MAF: variants seen among roughly 807,000 people sequenced by gnomAD.
The protein encoded by MAF is MAF bZIP transcription factor, also known as transcription factor Maf.
Under a neutral mutation model 22.0 loss-of-function variants are expected in MAF, and 10 were observed. The ratio of observed to expected loss-of-function variants is 0.45; its 90% CI spans 0.28 to 0.77. MAF has a LOEUF of 0.77. Among genes scored for constraint, MAF ranks in the 30% least tolerant of loss-of-function variants. The pLI, the probability that MAF is intolerant of heterozygous loss-of-function variation, is 0.12. For missense variants in MAF, 544 were observed against 548.4 expected, an observed-to-expected ratio of 0.99 and a Z score of 0.08; for synonymous variants, 337 against 255.8, an observed-to-expected ratio of 1.32 and a Z score of -3.03.
At chr16:79,572,549 G>A in the MAF span, among the ~76,000 whole-genome samples, 1 of 152,178 alleles carries the variant, frequency 6.6e-6, no homozygotes, top group Non-Finnish European at 1.5e-5. Flanking sequence ...GGGCTACCTG[G>A]ACGGTTTCAC....
chr16:79,335,981 T>C, the MAF span, among the ~76,000 whole-genome samples: 1 of 152,150 alleles, frequency 6.6e-6, no homozygotes, highest in East Asian at 1.9e-4. Context: ...GAGCCCAGCT[T>C]CTGGGGATGT....
chr16:79,302,589 A>T, the MAF span, among the ~76,000 whole-genome samples: 8 of 152,298 alleles, frequency 5.3e-5, no homozygotes, highest in Non-Finnish European at 8.8e-5. Flanking sequence ...CCTTTCATAA[A>T]AACACCCACA....
the MAF span, among the ~76,000 whole-genome samples, chr16:79,421,564 C>T: frequency 4.0e-5 from 6 of 151,770 alleles, no homozygotes; most frequent in Admixed American, 2.0e-4. Flanking sequence ...ACAGAAACCT[C>T]GGAAGGGAAG....
the MAF span, among the ~76,000 whole-genome samples, chr16:79,404,365 T>C: frequency 6.6e-6 from 1 of 152,154 alleles, no homozygotes; most frequent in African/African-American, 2.4e-5. Flanking sequence ...GGTTTCACCA[T>C]GTTGGCCAGG....
the MAF span, among the ~76,000 whole-genome samples, chr16:79,218,665 C>A: frequency 6.6e-6 from 1 of 152,212 alleles, no homozygotes; most frequent in African/African-American, 2.4e-5. Flanking sequence ...TATTCCCAAG[C>A]AGCCAGCCTC....
the MAF span, among the ~76,000 whole-genome samples, chr16:79,262,513 T>G: frequency 6.6e-6 from 1 of 152,150 alleles, no homozygotes; most frequent in Admixed American, 6.5e-5. Flanking sequence ...CCTTATCTGT[T>G]TATGCAACCC....
chr16:79,251,002 C>T, the MAF span, among the ~76,000 whole-genome samples: 1 of 152,192 alleles, frequency 6.6e-6, no homozygotes, highest in Non-Finnish European at 1.5e-5. Flanking sequence ...TTGTTAAGTG[C>T]TTAGCACCTG....
chr16:79,281,920 C>A, the MAF span, among the ~76,000 whole-genome samples: 1 of 152,124 alleles, frequency 6.6e-6, no homozygotes, highest in Non-Finnish European at 1.5e-5. Flanking sequence ...GCAAGGACCA[C>A]AATGAGGATA....
chr16:79,211,823 A>C, the MAF span: 3 of 1,613,450 alleles, frequency 1.9e-6, no homozygotes, highest in Non-Finnish European at 2.5e-6. Flanking sequence ...ATGGGCACAC[A>C]CACCCGCCCT....
At chr16:79,211,957 G>A in the MAF span, 6 of 1,536,122 alleles carry the variant, frequency 3.9e-6, no homozygotes, top group Non-Finnish European at 5.2e-6. Context: ...AGTACCAATG[G>A]GAAGCAGGGA....
chr16:79,216,424 A>G, the MAF span, among the ~76,000 whole-genome samples: 30 of 152,316 alleles, frequency 2.0e-4, no homozygotes, highest in African/African-American at 6.7e-4. Context: ...ATGATTTTTG[A>G]ACTTTACGAT....
the MAF span, among the ~76,000 whole-genome samples, chr16:79,567,872 G>T: frequency 6.6e-6 from 1 of 152,160 alleles, no homozygotes; most frequent in East Asian, 1.9e-4. Flanking sequence ...TTTTTATAAG[G>T]CTCTAAAGGT....
At chr16:79,354,512 G>A in the MAF span, among the ~76,000 whole-genome samples, 2 of 152,194 alleles carry the variant, frequency 1.3e-5, no homozygotes, top group Non-Finnish European at 2.9e-5. Flanking sequence ...AGGGGAGAAT[G>A]GGTGAGATTT....
At chr16:79,276,370 G>A in the MAF span, among the ~76,000 whole-genome samples, 1 of 152,116 alleles carries the variant, frequency 6.6e-6, no homozygotes, top group South Asian at 2.1e-4. Flanking sequence ...AAGGAGGGTT[G>A]TGAAAGGAGT....
the MAF span, among the ~76,000 whole-genome samples, chr16:79,502,437 G>C: frequency 6.6e-6 from 1 of 152,082 alleles, no homozygotes; most frequent in Non-Finnish European, 1.5e-5. Context: ...AGGCCAAGGT[G>C]GGTGGGTGGC....
the MAF span, chr16:79,211,629 G>T: frequency 6.2e-6 from 10 of 1,614,168 alleles, no homozygotes; most frequent in Non-Finnish European, 6.8e-6. Flanking sequence ...TGCCACCACC[G>T]TGTACTGTGC....
the MAF span, among the ~76,000 whole-genome samples, chr16:79,221,564 CTTA>C: frequency 1.3e-5 from 2 of 152,128 alleles, no homozygotes; most frequent in African/African-American, 4.8e-5. Flanking sequence ...CACTATGATC[CTTA>C]TTAATAATAC....
the MAF span, among the ~76,000 whole-genome samples, chr16:79,388,845 A>G: frequency 7.9e-5 from 12 of 152,288 alleles, no homozygotes; most frequent in East Asian, 2.3e-3. Flanking sequence ...AGAGAAGTGA[A>G]GTGACTTGCT....
At chr16:79,484,966 T>G in the MAF span, among the ~76,000 whole-genome samples, 1 of 152,248 alleles carries the variant, frequency 6.6e-6, no homozygotes, top group African/African-American at 2.4e-5. Context: ...TTAGAAGTTC[T>G]GTGGCCCCAG....
Sources: allele counts gnomAD v4.1 joint callset (sites outside exome capture counted in the v4.1 genomes callset), GRCh38; gene constraint gnomAD v4.1.1; transcripts MANE v1.5; gene names NCBI Gene and HGNC (gene_info 2026-07-23, HGNC 2026-07-21).